The following TEX15 variants were observed in gnomAD, a reference collection of about 807,000 sequenced individuals.
TEX15 encodes testis expressed 15, meiosis and synapsis associated.
Under a neutral mutation model 237.3 loss-of-function variants are expected in TEX15, and 171 were observed. The observed-to-expected ratio is 0.72, with a 90% CI of 0.64 to 0.82. The LOEUF is 0.82. TEX15 is among the 40% of genes least tolerant of loss of function. TEX15 has a pLI of 0.00. For synonymous variants in TEX15, 1,338 were observed against 1,269.8 expected (o/e 1.05, Z -1.14); for missense variants, 3,750 against 3,646.5 (o/e 1.03, Z -0.73).
At position 30,846,105 on chromosome 8, in the gene TEX15, T is replaced by C; in HGVS notation, c.4062A>G (p.Glu1354=). The change falls in exon 8 of 11, where the codon GAA becomes GAG. Residue 1354 remains glutamate, a synonymous_variant. Transcript: ENST00000643185. Reference sequence around the variant, plus strand: ...TATTTAGGACACTCTTAATGTGCTTTTCTGACTGTGAAAATGTTTTAATTC... The same window carrying C: ...TATTTAGGACACTCTTAATGTGCTTCTCTGACTGTGAAAATGTTTTAATTC... ...QGRIKTFSQS[E]KHIKSVLNIL... 1 of 1,613,502 alleles carries C rather than the reference T, an allele frequency of 6.2e-7. No individual in the cohort carries two copies. Among genetic ancestry groups the C allele is most frequent in the Non-Finnish European group, 8.5e-7 (1 of 1,179,604 alleles).
Position 30,847,578 on chromosome 8 carries a change from G to C in TEX15, c.2589C>G (p.Asn863Lys). The change falls in exon 8 of 11, where the codon AAC becomes AAG. Residue 863 changes from asparagine to lysine, a missense_variant. Transcript: ENST00000643185. ...CACTATTCTCTTTAGCCTCATTTTG[G>C]TTTTCTCTATCTGTTTGTTTTTTGA... ...VNFKKQTDRE[N>K]QNEAKENSAS... 1.2e-6 allele frequency: 2 copies of C among 1,612,500 alleles called. No individual in the cohort carries two copies. Among genetic ancestry groups the C allele is most frequent in the Non-Finnish European group, 1.7e-6 (2 of 1,179,720 alleles).
intron 2 of TEX15, among the ~76,000 whole-genome samples, chr8:30,895,680 T>TTTTTTG (rs1808890691): frequency 8.2e-6 from 1 of 122,130 alleles, no homozygotes; most frequent in African/African-American, 4.0e-5. Flanking sequence ...CACATGCTTT[T>TTTTTTG]TTTTTTTTTT....
intron 5 of TEX15, among the ~76,000 whole-genome samples, chr8:30,864,583 TGAA>T (rs1808118430): frequency 2.0e-5 from 2 of 98,190 alleles, no homozygotes; most frequent in African/African-American, 7.9e-5. Flanking sequence ...CCTTCAGAAA[TGAA>T]GAAGAAATAG....
chr8:30,837,186 T>C lies in TEX15; in HGVS notation c.9098A>G (p.His3033Arg), dbSNP rs1415519864. ...GTATGGATATGAAGTTCCAAATAAATGCTCAGAAGAATTATATGTTGGGTT... is the reference window on the plus strand; with the variant it reads ...GTATGGATATGAAGTTCCAAATAAACGCTCAGAAGAATTATATGTTGGGTT... ...ACNPTYNSSE[H>R]LFGTSYPYSA... Residue 3033 changes from histidine (H) to arginine (R), a missense_variant, in exon 10 of 11, where the codon CAT (histidine) becomes CGT (arginine). By Grantham distance (29) the His-to-Arg change is conservative. Transcript: ENST00000643185. 6.2e-7 allele frequency: 1 copy of C among 1,614,036 alleles called. No homozygotes were observed. The highest frequency in any genetic ancestry group is 1.3e-5 in the African/African-American group (1 of 74,924).
At position 30,909,191 on chromosome 8, in the gene TEX15, T is replaced by C. The variant is rs117770102; in HGVS notation, c.-86+3688A>G. Among the ~76,000 whole-genome samples, 349 of 152,016 alleles carry C rather than the reference T, an allele frequency of 2.3e-3. 2 individuals are homozygous for C. The highest frequency in any genetic ancestry group is 4.4e-3 in the Non-Finnish European group (299 of 68,008). On this transcript the variant is annotated intron_variant, in intron 1 of 10. Coordinates refer to ENST00000643185, the MANE Select transcript of TEX15 (RefSeq NM_001350162.2). Reference sequence around the variant, plus strand: ...ATCATTATCCTAAAAAATCTTCAAATTTAGTTACAGTAGCTTAATTAAACC... The same window carrying C: ...ATCATTATCCTAAAAAATCTTCAAACTTAGTTACAGTAGCTTAATTAAACC...
At chr8:30,840,056 C>T (rs1445063329) in intron 8 of TEX15, 92 bp from the exon 9 acceptor site, 17 of 711,744 alleles carry the variant, frequency 2.4e-5, no homozygotes, top group Non-Finnish European at 3.4e-5. Context: ...TTTTTAATTG[C>T]TTGTTCTGCC....
intron 7 of TEX15, among the ~76,000 whole-genome samples, chr8:30,857,182 C>A (rs1165065156): frequency 1.3e-5 from 2 of 152,136 alleles, no homozygotes; most frequent in Non-Finnish European, 2.9e-5. Context: ...CTGCAGTATA[C>A]ATCAGTGGGA....
chr8:30,846,814 C>T lies in TEX15; in HGVS notation c.3353G>A (p.Ser1118Asn), dbSNP rs1486168616. The T allele has an allele frequency of 1.2e-6, 2 of 1,613,870 alleles. No individual in the cohort carries two copies. The highest frequency in any genetic ancestry group is 1.3e-5 in the African/African-American group (1 of 75,030). Residue 1118 changes from serine to asparagine, a missense_variant, in exon 8 of 11, where the codon AGC (serine) becomes AAC (asparagine). Transcript: ENST00000643185. ...LDNGEMEVLE[S>N]TTGRENSDQH... ...ATCACTATTCTCCCTTCCTGTGGTG[C>T]TTTCCAAAACTTCCATCTCCCCGTT...
intron 7 of TEX15, 117 bp from the exon 8 acceptor site, chr8:30,849,433 G>A: frequency 1.8e-6 from 1 of 554,532 alleles, no homozygotes; most frequent in Non-Finnish European, 3.0e-6. Context: ...ACCTAATGAT[G>A]ATTAAAATGT....
Position 30,848,687 on chromosome 8 carries a change from A to C in TEX15, c.1480T>G (p.Leu494Val), listed in dbSNP as rs941770056. The C allele has an allele frequency of 2.5e-6, 4 of 1,614,094 alleles. No homozygotes were observed. Among genetic ancestry groups the C allele is most frequent in the Non-Finnish European group, 3.4e-6 (4 of 1,180,042 alleles). ...PGDCAVLTNG[L>V]DTPCFKTSVN... ...GAAGTTTTAAAGCAAGGGGTATCCAAACCATTAGTAAGAACAGCACAATCA... is the reference window on the plus strand; with the variant it reads ...GAAGTTTTAAAGCAAGGGGTATCCACACCATTAGTAAGAACAGCACAATCA... Residue 494 changes from leucine (L) to valine (V), a missense_variant, in exon 8 of 11, where the codon TTG becomes GTG. Transcript: ENST00000643185.
intron 1 of TEX15, among the ~76,000 whole-genome samples, chr8:30,905,815 G>T (rs944677802): frequency 1.3e-5 from 2 of 151,600 alleles, no homozygotes; most frequent in East Asian, 3.9e-4. Context: ...GAGGTGGGAG[G>T]ATTGCTTGAG....
rs1027825576 is a variant in TEX15 at position 30,846,705 on chromosome 8, T to C, written c.3462A>G (p.Pro1154=). ...TATTAGTAATTTTAATTTGTAGATC[T>C]GGAAGTAAAATTGGGCTGGTAAGTT... ...ETELTSPILL[P]DLQIKITNIF... is the part of the protein sequence containing the mutation. Residue 1154 remains proline (P), a synonymous_variant, in exon 8 of 11, where the codon CCA becomes CCG. Coordinates refer to ENST00000643185, the MANE Select transcript of TEX15 (RefSeq NM_001350162.2). The C allele has an allele frequency of 1.2e-6, 2 of 1,613,644 alleles. No homozygotes were observed. The highest frequency in any genetic ancestry group is 1.7e-6 in the Non-Finnish European group (2 of 1,179,728).
At chr8:30,888,684 G>T in intron 2 of TEX15, 1 of 1,283,454 alleles carries the variant, frequency 7.8e-7, no homozygotes, top group Non-Finnish European at 1.0e-6. Context: ...CAACTGCTTA[G>T]TTCCAACATT....
chr8:30,903,129 T>C (rs1051141365), intron 1 of TEX15, among the ~76,000 whole-genome samples: 1 of 152,232 alleles, frequency 6.6e-6, no homozygotes, highest in African/African-American at 2.4e-5. Context: ...GATTTTGTGA[T>C]GACTCAAATT....
At chr8:30,899,955 T>C (rs745598252) in intron 1 of TEX15, among the ~76,000 whole-genome samples, 1 of 152,218 alleles carries the variant, frequency 6.6e-6, no homozygotes, top group Non-Finnish European at 1.5e-5. Flanking sequence ...TACTAATTAA[T>C]ATATTTAAAA....
chr8:30,876,934 G>A (rs936155274), intron 3 of TEX15, among the ~76,000 whole-genome samples: 5 of 152,054 alleles, frequency 3.3e-5, no homozygotes, highest in Admixed American at 6.6e-5. Flanking sequence ...GGTTTTATAA[G>A]GGGCCTTTCC....
chr8:30,870,605 TTAA>T lies in TEX15; in HGVS notation c.303-3106_303-3104del, dbSNP rs1808272115. On this transcript the variant is annotated intron_variant, in intron 4 of 10. Coordinates refer to ENST00000643185, the MANE Select transcript of TEX15 (RefSeq NM_001350162.2). The stretch of plus-strand genomic sequence containing the variant: ...TTCTTTGGAGATCTTTAAAGATAAC[TTAA>T]TAATTTTCAAATCCATCAGATTGCT... 2.0e-5 allele frequency among the ~76,000 whole-genome samples: 3 copies of T among 152,024 alleles called. No homozygotes were observed. In the South Asian group the frequency reaches 6.2e-4, roughly 31 times the overall value.
chr8:30,835,010 C>G (rs1807260151), intron 10 of TEX15, among the ~76,000 whole-genome samples: 1 of 152,156 alleles, frequency 6.6e-6, no homozygotes, highest in South Asian at 2.1e-4. Flanking sequence ...TGCCTCACAC[C>G]TGTAATCCCA....
intron 1 of TEX15, among the ~76,000 whole-genome samples, chr8:30,910,470 A>C (rs539760298): frequency 2.6e-5 from 4 of 152,248 alleles, no homozygotes; most frequent in Non-Finnish European, 5.9e-5. Flanking sequence ...TACAGAATTC[A>C]TAGAGTCTGA....
Sources: gnomAD v4.1 joint callset for allele counts (sites outside exome capture counted in the v4.1 genomes callset) on GRCh38, gnomAD v4.1.1 for gene constraint, MANE v1.5 for transcripts, NCBI Gene and HGNC (gene_info 2026-07-23, HGNC 2026-07-21) for gene names.